Variants in ZNF507 observed in about 807,000 individuals in gnomAD.
The protein encoded by ZNF507 is zinc finger protein 507.
A neutral mutation model predicts 80.0 loss-of-function variants in ZNF507; 29 were observed. The ratio of observed to expected loss-of-function variants is 0.36; its 90% CI spans 0.27 to 0.49. The LOEUF is 0.49. Ranked by LOEUF, ZNF507 falls within the 20% of genes least tolerant of loss-of-function variation. The pLI is 0.98. For synonymous variants in ZNF507, 462 were observed against 422.5 expected (o/e 1.09, Z -1.15); for missense variants, 1,081 against 1,152.2 (o/e 0.94, Z 0.90).
intron 5 of ZNF507, among the ~76,000 whole-genome samples, chr19:32,368,238 G>A (rs772647428): frequency 2.2e-4 from 34 of 152,204 alleles, no homozygotes; most frequent in Non-Finnish European, 3.8e-4. Flanking sequence ...TGGAAAGGAC[G>A]CAGTAGAGAT....
At position 32,384,619 on chromosome 19, in the gene ZNF507, C is replaced by T. The variant is rs373841888; in HGVS notation, c.*1536C>T. On this transcript the variant is annotated 3_prime_UTR_variant, in exon 7 of 7. Transcript: ENST00000355898. ...GCACGTTTTAAGAAGTATTCTGTTCCTAAAGTCCAGGTATGATTGGATTAA... is the reference window on the plus strand; with the variant it reads ...GCACGTTTTAAGAAGTATTCTGTTCTTAAAGTCCAGGTATGATTGGATTAA... The T allele has an allele frequency of 4.6e-5, 7 of 152,150 alleles. No homozygotes were observed. In the East Asian group the frequency reaches 1.3e-3, roughly 29 times the overall value. 9.4% of individuals were successfully genotyped at this position (152,150 alleles called of 1,614,324 possible).
chr19:32,358,752 A>G (rs1967283881), intron 4 of ZNF507: 1 of 152,234 alleles, frequency 6.6e-6, no homozygotes, highest in Non-Finnish European at 1.5e-5. Flanking sequence ...GTGGCAGGGC[A>G]GAGATTTTAC....
rs747739233 is a variant in ZNF507, at chr19:32,354,867, C to T, written c.2037C>T (p.Asp679=). 2 of 1,614,154 alleles carry T rather than the reference C, an allele frequency of 1.2e-6. No individual in the cohort carries two copies. The highest frequency in any genetic ancestry group is 1.7e-6 in the Non-Finnish European group (2 of 1,180,032). ...GTCCTATCTGCGAGCACATAGCGGA[C>T]AACAGCAAAGATTTGGAGAGTCACA... ...YQCPICEHIA[D]NSKDLESHMI... Residue 679 remains aspartate, a synonymous_variant, in exon 3 of 7, where the codon GAC becomes GAT. Coordinates refer to ENST00000355898, the MANE Select transcript of ZNF507 (RefSeq NM_001136156.2).
In ZNF507 at chr19:32,355,647, G is replaced by A. The variant is rs966225650; in HGVS notation, c.2127+690G>A. ...TTAGAACTTTTCTTCAGTGGGCCAGGTGACTCCTTGAAAATGTATTACAAA... is the reference window on the plus strand; with the variant it reads ...TTAGAACTTTTCTTCAGTGGGCCAGATGACTCCTTGAAAATGTATTACAAA... On this transcript the variant is annotated intron_variant, in intron 3 of 6. Transcript: ENST00000355898. 2.6e-5 allele frequency among the ~76,000 whole-genome samples: 4 copies of A among 152,298 alleles called. 1 individual carries two copies. The South Asian group carries it at 8.3e-4, about 32-fold the overall frequency.
intron 5 of ZNF507, among the ~76,000 whole-genome samples, chr19:32,364,525 C>T (rs557326617): frequency 3.3e-4 from 50 of 152,230 alleles, no homozygotes; most frequent in Admixed American, 5.9e-4. Context: ...GCCATTTTAT[C>T]ATTCTTATGC....
chr19:32,369,950 G>A (rs1967447538), intron 5 of ZNF507, among the ~76,000 whole-genome samples: 3 of 152,044 alleles, frequency 2.0e-5, no homozygotes, highest in Admixed American at 6.6e-5. Flanking sequence ...TTCTCTGTGT[G>A]TGTGTGTATT....
chr19:32,382,179 A>G (rs547998341), intron 5 of ZNF507: 1 of 278,684 alleles, frequency 3.6e-6, no homozygotes, highest in African/African-American at 2.2e-5. Context: ...TACATCAAAA[A>G]TCTTTCCAAA....
In ZNF507 at chr19:32,354,932, A is replaced by C. The variant is rs1967231783; in HGVS notation, c.2102A>C (p.Gln701Pro). Residue 701 changes from glutamine to proline, a missense_variant, in exon 3 of 7, where the codon CAG (glutamine) becomes CCG (proline). Around this residue, in one of 6 missense-constraint regions of ZNF507, gnomAD observed 614 missense variants for 583.9 expected, o/e 1.05. Transcript: ENST00000355898. ...AAGACAAGAATATACCAGTGCAAGC[A>C]GTGTGAAGAATCCTTCCATTATAAG... ...HCKTRIYQCK[Q>P]CEESFHYKSQ... The C allele has an allele frequency of 5.0e-6, 8 of 1,610,482 alleles. No homozygotes were observed. Among genetic ancestry groups the C allele is most frequent in the Non-Finnish European group, 5.9e-6 (7 of 1,178,078 alleles).
intron 2 of ZNF507, 55 bp from the exon 3 acceptor site, chr19:32,352,773 AT>A: frequency 6.9e-7 from 1 of 1,456,170 alleles, no homozygotes; most frequent in Non-Finnish European, 9.2e-7. Flanking sequence ...TCCAAATTAC[AT>A]GCCTGTAATT....
chr19:32,349,137 G>A (rs1166246802), intron 2 of ZNF507, among the ~76,000 whole-genome samples: 1 of 152,196 alleles, frequency 6.6e-6, no homozygotes, highest in East Asian at 1.9e-4. Flanking sequence ...GCCTTCTATT[G>A]AGGAACACAG....
At chr19:32,366,234 G>A (rs1487623444) in intron 5 of ZNF507, among the ~76,000 whole-genome samples, 1 of 151,988 alleles carries the variant, frequency 6.6e-6, no homozygotes, top group Non-Finnish European at 1.5e-5. Flanking sequence ...TATAATTGAT[G>A]TTACCATGCC....
intron 5 of ZNF507, among the ~76,000 whole-genome samples, chr19:32,366,348 C>T (rs1277037914): frequency 3.3e-5 from 5 of 152,224 alleles, no homozygotes; most frequent in South Asian, 2.1e-4. Context: ...AGCACCCCTT[C>T]GTGGGCCTTC....
chr19:32,347,458 T>A (rs956434698), intron 2 of ZNF507, 120 bp downstream of exon 2: 65 of 152,226 alleles, frequency 4.3e-4, no homozygotes, highest in African/African-American at 1.6e-3. Context: ...AGAGCCTAGC[T>A]GTAAGGAGCT....
chr19:32,369,691 T>A (rs773165084), intron 5 of ZNF507, among the ~76,000 whole-genome samples: 1 of 152,148 alleles, frequency 6.6e-6, no homozygotes, highest in South Asian at 2.1e-4. Context: ...ATATGATGTA[T>A]AAGATGTAGA....
rs778200806 is a variant in ZNF507 at position 32,353,214 on chromosome 19, C to A, written c.384C>A (p.Ser128Arg). The A allele has an allele frequency of 6.2e-7, 1 of 1,614,160 alleles. No individual in the cohort carries two copies. Among genetic ancestry groups the A allele is most frequent in the East Asian group, 2.2e-5 (1 of 44,890 alleles). ...NEGKAMSYQC[S>R]LCKFLSSSFS... is the part of the protein sequence containing the mutation. ...GGAAGGCTATGTCTTATCAGTGTAGCCTTTGTAAGTTTCTATCATCATCCT... is the reference window on the plus strand; with the variant it reads ...GGAAGGCTATGTCTTATCAGTGTAGACTTTGTAAGTTTCTATCATCATCCT... Residue 128 changes from serine to arginine, a missense_variant, in exon 3 of 7, where the codon AGC (serine) becomes AGA (arginine). Around this residue, in one of 6 missense-constraint regions of ZNF507, gnomAD observed 275 missense variants for 303.9 expected, o/e 0.90. Coordinates refer to ENST00000355898, the MANE Select transcript of ZNF507 (RefSeq NM_001136156.2).
intron 5 of ZNF507, chr19:32,380,671 AT>A (rs1458798661): frequency 2.7e-6 from 4 of 1,508,852 alleles, no homozygotes; most frequent in Non-Finnish European, 3.6e-6. Flanking sequence ...TTTAACAAAA[AT>A]GTCTTTGGAA....
chr19:32,372,879 G>C (rs1376316437), intron 5 of ZNF507, among the ~76,000 whole-genome samples: 6 of 152,172 alleles, frequency 3.9e-5, no homozygotes, highest in Non-Finnish European at 8.8e-5. Flanking sequence ...GTGGTGCTGT[G>C]TGTCTTAGTC....
chr19:32,371,213 G>T (rs893845503), intron 5 of ZNF507, among the ~76,000 whole-genome samples: 1 of 151,974 alleles, frequency 6.6e-6, no homozygotes, highest in South Asian at 2.1e-4. Flanking sequence ...GGTGGCTCAC[G>T]CTTGTAATCC....
Position 32,353,217 on chromosome 19 carries a change from T to C in ZNF507, c.387T>C (p.Leu129=), listed in dbSNP as rs147957130. 2 of 1,614,098 alleles carry C rather than the reference T, an allele frequency of 1.2e-6. No homozygotes were observed. The highest frequency in any genetic ancestry group is 2.7e-5 in the African/African-American group (2 of 74,922). Residue 129 remains leucine (L), a synonymous_variant, in exon 3 of 7, where the codon CTT becomes CTC. Transcript: ENST00000355898. ...EGKAMSYQCS[L]CKFLSSSFSV... Reference sequence around the variant, plus strand: ...AGGCTATGTCTTATCAGTGTAGCCTTTGTAAGTTTCTATCATCATCCTTTT... The same window carrying C: ...AGGCTATGTCTTATCAGTGTAGCCTCTGTAAGTTTCTATCATCATCCTTTT...
Sources: allele counts gnomAD v4.1 joint callset (sites outside exome capture counted in the v4.1 genomes callset), GRCh38; gene constraint gnomAD v4.1.1; regional missense constraint gnomAD v4.1.1; transcripts MANE v1.5; gene names NCBI Gene and HGNC (gene_info 2026-07-23, HGNC 2026-07-21).